The following TPCN2 variants were observed in gnomAD, a reference collection of about 807,000 sequenced individuals.
The protein encoded by TPCN2 is two pore segment channel 2.
A neutral mutation model predicts 111.4 loss-of-function variants in TPCN2; 92 were observed. The observed-to-expected ratio is 0.83, with a 90% CI of 0.70 to 0.98. The LOEUF (loss-of-function observed/expected upper bound fraction) is 0.98. TPCN2 is among the 50% of genes least tolerant of loss of function. The pLI, the probability that TPCN2 is intolerant of heterozygous loss-of-function variation, is 0.00. For synonymous variants in TPCN2, 405 were observed against 414.5 expected (o/e 0.98, Z 0.28); for missense variants, 995 against 980.1 (o/e 1.02, Z -0.20).
chr11:69,070,026 C>CTTTT (rs34320189), intron 8 of TPCN2, among the ~76,000 whole-genome samples: 5 of 143,920 alleles, frequency 3.5e-5, no homozygotes, highest in Admixed American at 6.9e-5. Context: ...TTCTTTCTTT[C>CTTTT]TTTTTTTTTT....
chr11:69,051,904 A>C (rs1032183425), intron 1 of TPCN2, among the ~76,000 whole-genome samples: 2 of 152,216 alleles, frequency 1.3e-5, no homozygotes, highest in Admixed American at 6.5e-5. Context: ...GCGGGCCGGC[A>C]AATGTGGGAA....
chr11:69,081,531 C>A, intron 18 of TPCN2, 32 bp downstream of exon 18: 2 of 1,483,588 alleles, frequency 1.3e-6, no homozygotes, highest in Non-Finnish European at 1.8e-6. Flanking sequence ...ACTCGCCCCA[C>A]CCTCCTGGGT....
At chr11:69,072,253 G>A (rs1301752641) in intron 11 of TPCN2, among the ~76,000 whole-genome samples, 1 of 152,186 alleles carries the variant, frequency 6.6e-6, no homozygotes, top group Non-Finnish European at 1.5e-5. Flanking sequence ...GGCTGGTGAA[G>A]GGCCGAGTGG....
chr11:69,067,392 T>C (rs933847393), intron 7 of TPCN2, 111 bp from the exon 8 acceptor site: 28 of 959,040 alleles, frequency 2.9e-5, no homozygotes, highest in Non-Finnish European at 4.2e-5. Context: ...CACAGGGAGA[T>C]GCAGGCTGGG....
At chr11:69,082,267 A>G (rs1350777473) in intron 18 of TPCN2, among the ~76,000 whole-genome samples, 1 of 152,230 alleles carries the variant, frequency 6.6e-6, no homozygotes, top group African/African-American at 2.4e-5. Context: ...ACATATATAC[A>G]ATACAGCCAA....
In TPCN2 at chr11:69,084,032, C is replaced by T. The variant is rs755582836; in HGVS notation, c.1761+16C>T. The T allele has an allele frequency of 5.0e-6, 8 of 1,613,764 alleles. No homozygotes were observed. Among genetic ancestry groups the T allele is most frequent in the Non-Finnish European group, 6.8e-6 (8 of 1,179,690 alleles). On this transcript the variant is annotated intron_variant, in intron 19 of 24. Transcript: ENST00000294309. The stretch of plus-strand genomic sequence containing the variant: ...GATCCTGGTGGTGAGTCCCAGGCTG[C>T]TGCTGGTGGCGGGTTATGCACTGGA...
chr11:69,084,101 C>T (rs1020088833), intron 19 of TPCN2, 85 bp downstream of exon 19: 6 of 1,379,296 alleles, frequency 4.4e-6, no homozygotes, highest in Non-Finnish European at 6.2e-6. Context: ...CGGGCCGGCT[C>T]ACTGCTCTGT....
At chr11:69,049,173 G>C in intron 1 of TPCN2, 67 bp downstream of exon 1, 1 of 1,020,798 alleles carries the variant, frequency 9.8e-7, no homozygotes, top group Non-Finnish European at 1.3e-6. Flanking sequence ...GGGTCCCGCT[G>C]TCCCAGCACC....
At chr11:69,060,177 A>G (rs1185389501) in intron 5 of TPCN2, among the ~76,000 whole-genome samples, 1 of 152,108 alleles carries the variant, frequency 6.6e-6, no homozygotes, top group Non-Finnish European at 1.5e-5. Context: ...CCTGTCCTCC[A>G]CTTGGGAACA....
In TPCN2 at chr11:69,083,742, TG is replaced by T. The variant is rs1036984917; in HGVS notation, c.1690-200del. Among the ~76,000 whole-genome samples the T allele has an allele frequency of 4.0e-5, 6 of 151,848 alleles. No homozygotes were observed. In the South Asian group the frequency reaches 1.0e-3, roughly 26 times the overall value. ...AGGTGTTGGGGTGCGAGGGTGTGTATGGGTGGACGTGGGGGCCTGACAGGCT... is the reference window on the plus strand; with the variant it reads ...AGGTGTTGGGGTGCGAGGGTGTGTATGGTGGACGTGGGGGCCTGACAGGCT... On this transcript the variant is annotated intron_variant, in intron 18 of 24. Transcript: ENST00000294309.
At chr11:69,079,314 G>A in intron 16 of TPCN2, 1 of 444,870 alleles carries the variant, frequency 2.2e-6, no homozygotes, top group Non-Finnish European at 4.0e-6. Flanking sequence ...AGCGACTCCA[G>A]CCCGGGGAAC....
intron 10 of TPCN2, 117 bp from the exon 11 acceptor site, chr11:69,071,806 G>C (rs1178457444): frequency 1.9e-5 from 16 of 853,030 alleles, no homozygotes; most frequent in East Asian, 2.7e-5. Flanking sequence ...GGGGAACTGG[G>C]CCCCCCCCCA....
intron 7 of TPCN2, among the ~76,000 whole-genome samples, chr11:69,064,698 T>C (rs149053096): frequency 2.1e-4 from 32 of 152,304 alleles, no homozygotes; most frequent in Admixed American, 1.5e-3. Context: ...CTGTTCCTGT[T>C]TGTGGCCGTG....
At chr11:69,087,066 T>A (rs967702834) in intron 23 of TPCN2, 46 bp from the exon 24 acceptor site, 4 of 1,560,168 alleles carry the variant, frequency 2.6e-6, no homozygotes, top group South Asian at 1.1e-5. Flanking sequence ...GCAAGGCTGC[T>A]TTCATTCGGG....
At chr11:69,055,945 C>T (rs568202274) in intron 4 of TPCN2, among the ~76,000 whole-genome samples, 2 of 152,372 alleles carry the variant, frequency 1.3e-5, no homozygotes, top group East Asian at 3.9e-4. Context: ...ATGCACACAG[C>T]AGCTGCTGCA....
intron 7 of TPCN2, among the ~76,000 whole-genome samples, chr11:69,065,859 G>A (rs990848548): frequency 2.0e-5 from 3 of 152,294 alleles, no homozygotes; most frequent in Admixed American, 1.3e-4. Flanking sequence ...CGGGTCCATC[G>A]TCGCTGGTTG....
At position 69,078,919 on chromosome 11, in the gene TPCN2, T is replaced by C. The variant is rs1855898376; in HGVS notation, c.1438T>C (p.Tyr480His). The C allele has an allele frequency of 6.2e-7, 1 of 1,614,146 alleles. No homozygotes were observed. The highest frequency in any genetic ancestry group is 1.7e-5 in the Admixed American group (1 of 60,032). ...GILNCVFIVYYLLEMLLKVFA... is the reference protein window; with the variant it reads ...GILNCVFIVYHLLEMLLKVFA... ...TCTCAACTGCGTCTTCATTGTGTAC[T>C]ACCTGTTGGAGATGCTGCTCAAGGT... is the stretch of plus-strand genomic sequence containing the variant. Residue 480 changes from tyrosine to histidine, a missense_variant, in exon 16 of 25, where the codon TAC (tyrosine) becomes CAC (histidine). Physicochemically the swap from Tyr to His is moderately conservative, Grantham distance 83 (BLOSUM62 2). Transcript: ENST00000294309.
Position 69,063,970 on chromosome 11 carries a change from AGGGCACCCGTGGTCAGGGTCTGGGAAT to A in TPCN2, c.726+7_726+33del, listed in dbSNP as rs755075500. ...TGCTGCTGTTCGCTGGTGGGAAGGT[AGGGCACCCGTGGTCAGGGTCTGGGAAT>A]GGGGCTGCCCTGTGCTGTGACTAAC... On this transcript the variant is annotated splice_donor_5th_base_variant and intron_variant, in intron 7 of 24. Coordinates refer to ENST00000294309, the MANE Select transcript of TPCN2 (RefSeq NM_139075.4). 4 of 1,613,862 alleles carry A rather than the reference AGGGCACCCGTGGTCAGGGTCTGGGAAT, an allele frequency of 2.5e-6. No individual in the cohort carries two copies. In the South Asian group the frequency reaches 4.4e-5, roughly 18 times the overall value.
At chr11:69,060,907 G>A (rs1220002119) in intron 5 of TPCN2, among the ~76,000 whole-genome samples, 2 of 152,240 alleles carry the variant, frequency 1.3e-5, no homozygotes. Flanking sequence ...AGAGCCCTGA[G>A]CAGTTCTCTG....
Sources: gnomAD v4.1 joint callset for allele counts (sites outside exome capture counted in the v4.1 genomes callset) on GRCh38, gnomAD v4.1.1 for gene constraint, MANE v1.5 for transcripts, NCBI Gene and HGNC (gene_info 2026-07-23, HGNC 2026-07-21) for gene names.